Variants in VWA2 observed in about 807,000 individuals in gnomAD.
VWA2 encodes the protein von Willebrand factor A domain containing 2.
VWA2 carries 73 observed loss-of-function variants against 70.4 expected under a neutral mutation model. The observed-to-expected ratio is 1.04, with a 90% CI of 0.86 to 1.26. The LOEUF is 1.26. Ranked by LOEUF, VWA2 falls within the 50% of genes most tolerant of loss-of-function variation. The probability of loss-of-function intolerance (pLI) is 0.00; values close to 1 mark genes in which losing one functional copy is unlikely to be tolerated. For synonymous variants in VWA2, 407 were observed against 423.3 expected (o/e 0.96, Z 0.47); for missense variants, 1,011 against 998.5 (o/e 1.01, Z -0.17).
chr10:114,263,586 C>T (rs533171635), intron 5 of VWA2, among the ~76,000 whole-genome samples: 5 of 152,116 alleles, frequency 3.3e-5, no homozygotes, highest in African/African-American at 1.2e-4. Flanking sequence ...ATCTGCCCGC[C>T]TTGGCTTCCC....
chr10:114,263,023 G>A (rs193103382), intron 5 of VWA2, among the ~76,000 whole-genome samples: 39 of 152,204 alleles, frequency 2.6e-4, no homozygotes, highest in Middle Eastern at 3.4e-3. Context: ...AGGAATATGC[G>A]CTTTGTTTTT....
At chr10:114,272,219 C>A (rs181504854) in intron 5 of VWA2, among the ~76,000 whole-genome samples, 1 of 152,196 alleles carries the variant, frequency 6.6e-6, no homozygotes, top group African/African-American at 2.4e-5. Context: ...GACAGCTCAG[C>A]CTTCCAGCTC....
chr10:114,254,023 C>CA (rs1292924396), intron 3 of VWA2, among the ~76,000 whole-genome samples: 2 of 151,848 alleles, frequency 1.3e-5, no homozygotes, highest in East Asian at 3.9e-4. Flanking sequence ...GCCTGGGCAA[C>CA]AAGAGGTACA....
At chr10:114,290,485 A>G in intron 13 of VWA2, 120 bp downstream of exon 13, 1 of 1,401,614 alleles carries the variant, frequency 7.1e-7, no homozygotes, top group South Asian at 1.4e-5. Flanking sequence ...GAAATTATTC[A>G]GTCGTTTACC....
intron 1 of VWA2, among the ~76,000 whole-genome samples, chr10:114,244,324 C>T (rs532303810): frequency 6.6e-6 from 1 of 152,176 alleles, no homozygotes; most frequent in African/African-American, 2.4e-5. Flanking sequence ...CACCTCTTAC[C>T]GGCAGCCCCA....
chr10:114,277,231 T>G (rs942483704), intron 6 of VWA2, among the ~76,000 whole-genome samples: 5 of 134,930 alleles, frequency 3.7e-5, no homozygotes, highest in Admixed American at 1.6e-4. Flanking sequence ...TTGCCCAGGC[T>G]GGATTGCAGT....
Position 114,290,324 on chromosome 10 carries a change from G to A in VWA2, c.2207G>A (p.Cys736Tyr). The A allele has an allele frequency of 6.4e-7, 1 of 1,550,616 alleles. No homozygotes were observed. Among genetic ancestry groups the A allele is most frequent in the Non-Finnish European group, 8.7e-7 (1 of 1,146,984 alleles). Residue 736 changes from cysteine to tyrosine, a missense_variant, in exon 13 of 14, where the codon TGC becomes TAC. Physicochemically the swap from Cys to Tyr is radical, Grantham distance 194 (BLOSUM62 -2). Transcript: ENST00000392982. ...GTCCTGCAGAATGGGAGCTACCGCT[G>A]CAAGTGTCGGGATGGCTGGGAGGGC... ...SCVLQNGSYRCKCRDGWEGPH... is the reference protein window; with the variant it reads ...SCVLQNGSYRYKCRDGWEGPH...
intron 5 of VWA2, among the ~76,000 whole-genome samples, chr10:114,270,042 G>A (rs749010957): frequency 1.9e-4 from 29 of 152,248 alleles, no homozygotes; most frequent in Non-Finnish European, 4.0e-4. Flanking sequence ...TGGTCTCTGT[G>A]TAGACAGTAC....
At chr10:114,272,971 G>T (rs370716435) in intron 6 of VWA2, 37 bp downstream of exon 6, 1 of 1,563,248 alleles carries the variant, frequency 6.4e-7, no homozygotes, top group Non-Finnish European at 8.7e-7. Context: ...GCCCTCAGGT[G>T]GTCAGCCTGG....
chr10:114,245,825 G>A (rs561029610), intron 1 of VWA2, among the ~76,000 whole-genome samples: 2 of 152,298 alleles, frequency 1.3e-5, no homozygotes, highest in East Asian at 3.9e-4. Flanking sequence ...GTCATTTGAA[G>A]CAGGAAGACC....
At chr10:114,246,505 C>CA (rs570510812) in intron 1 of VWA2, 57,918 of 379,674 alleles carry the variant, frequency 0.15, 436 homozygotes, top group South Asian at 0.19. Flanking sequence ...AACTCCATCT[C>CA]AAAAAAAAAA....
chr10:114,265,218 T>C (rs987925398), intron 5 of VWA2, among the ~76,000 whole-genome samples: 1 of 152,226 alleles, frequency 6.6e-6, no homozygotes, highest in Non-Finnish European at 1.5e-5. Flanking sequence ...TATCACTGAA[T>C]TGTACACTTT....
At chr10:114,281,716 G>A in intron 8 of VWA2, 2 of 985,122 alleles carry the variant, frequency 2.0e-6, no homozygotes, top group Non-Finnish European at 2.4e-6. Context: ...CGGGGCTGGG[G>A]CACTGCGGGA....
chr10:114,284,143 T>G (rs1302599349), intron 9 of VWA2, among the ~76,000 whole-genome samples: 1 of 152,236 alleles, frequency 6.6e-6, no homozygotes, highest in African/African-American at 2.4e-5. Context: ...ATCAGACGCT[T>G]CAGAATGGGC....
intron 1 of VWA2, among the ~76,000 whole-genome samples, chr10:114,241,615 C>G (rs2036975497): frequency 6.6e-6 from 1 of 152,152 alleles, no homozygotes; most frequent in African/African-American, 2.4e-5. Context: ...AATAACTCCC[C>G]TGATGTGTGT....
Position 114,272,832 on chromosome 10 carries a change from T to C in VWA2, c.464T>C (p.Ile155Thr). Reference sequence around the variant, plus strand: ...AATGCTTCTGTGCCCCAGATCCTCATCATCGTCACTGATGGGAAGTCCCAG... The same window carrying C: ...AATGCTTCTGTGCCCCAGATCCTCACCATCGTCACTGATGGGAAGTCCCAG... ...GRNASVPQILIIVTDGKSQGD... is the reference protein window; with the variant it reads ...GRNASVPQILTIVTDGKSQGD... The change falls in exon 6 of 14, where the codon ATC becomes ACC. Residue 155 changes from isoleucine to threonine, a missense_variant. By Grantham distance (89) the Ile-to-Thr change is moderately conservative. Coordinates refer to ENST00000392982, the MANE Select transcript of VWA2 (RefSeq NM_001272046.2). The C allele has an allele frequency of 6.2e-7, 1 of 1,614,120 alleles. No individual in the cohort carries two copies. The highest frequency in any genetic ancestry group is 8.5e-7 in the Non-Finnish European group (1 of 1,180,006).
In VWA2 at chr10:114,272,874, C is replaced by T. The variant is rs2037742911; in HGVS notation, c.506C>T (p.Pro169Leu). 4.3e-6 allele frequency: 7 copies of T among 1,613,880 alleles called. No individual in the cohort carries two copies. In the South Asian group the frequency reaches 7.7e-5, roughly 18 times the overall value. Reference protein sequence around the residue: ...DGKSQGDVALPSKQLKERGVT... With the variant: ...DGKSQGDVALLSKQLKERGVT... Reference sequence around the variant, plus strand: ...AAGTCCCAGGGGGATGTGGCACTGCCATCCAAGCAGCTGAAGGAAAGGGGT... The same window carrying T: ...AAGTCCCAGGGGGATGTGGCACTGCTATCCAAGCAGCTGAAGGAAAGGGGT... The change falls in exon 6 of 14, where the codon CCA (proline) becomes CTA (leucine). Residue 169 changes from proline to leucine, a missense_variant. Transcript: ENST00000392982.
chr10:114,249,606 G>A (rs778289091), intron 2 of VWA2, among the ~76,000 whole-genome samples: 23 of 152,110 alleles, frequency 1.5e-4, no homozygotes, highest in South Asian at 4.2e-4. Flanking sequence ...TTTCTGTTCC[G>A]GCATTAGTTT....
chr10:114,274,549 A>C (rs555878609), intron 6 of VWA2, among the ~76,000 whole-genome samples: 6 of 151,968 alleles, frequency 3.9e-5, no homozygotes, highest in Non-Finnish European at 8.8e-5. Context: ...ATCTCAGCTC[A>C]CTGCAACCTC....
Sources: gnomAD v4.1 joint callset for allele counts (sites outside exome capture counted in the v4.1 genomes callset) on GRCh38, gnomAD v4.1.1 for gene constraint, MANE v1.5 for transcripts, NCBI Gene and HGNC (gene_info 2026-07-23, HGNC 2026-07-21) for gene names.